RCOR1: variants seen among roughly 807,000 people sequenced by gnomAD.
RCOR1 encodes the protein REST corepressor.
A neutral mutation model predicts 64.0 loss-of-function variants in RCOR1; 12 were observed. The ratio of observed to expected loss-of-function variants is 0.19; its 90% CI spans 0.12 to 0.30. The LOEUF (loss-of-function observed/expected upper bound fraction) is 0.30. RCOR1 is among the 10% of genes least tolerant of loss of function. The pLI, the probability that RCOR1 is intolerant of heterozygous loss-of-function variation, is 1.00. For synonymous variants in RCOR1, 279 were observed against 227.2 expected (o/e 1.23, Z -2.05); for missense variants, 502 against 621.2 (o/e 0.81, Z 2.04).
chr14:102,682,123 CT>C, intron 3 of RCOR1, 145 bp downstream of exon 3: 1 of 528,110 alleles, frequency 1.9e-6, no homozygotes, highest in Non-Finnish European at 3.2e-6. Flanking sequence ...GTGTATATTT[CT>C]TTTTTTAAAA....
intron 2 of RCOR1, among the ~76,000 whole-genome samples, chr14:102,673,836 A>T (rs1237545231): frequency 6.7e-6 from 1 of 150,318 alleles, no homozygotes; most frequent in Non-Finnish European, 1.5e-5. Context: ...GCTGGTCTCG[A>T]ACTCCCGACT....
chr14:102,626,021 C>T (rs911937714), intron 2 of RCOR1, among the ~76,000 whole-genome samples: 1 of 152,196 alleles, frequency 6.6e-6, no homozygotes, highest in African/African-American at 2.4e-5. Context: ...GAAATTCATA[C>T]CCTTTTATCT....
At chr14:102,680,680 C>T (rs1440016953) in intron 2 of RCOR1, among the ~76,000 whole-genome samples, 1 of 152,076 alleles carries the variant, frequency 6.6e-6, no homozygotes, top group Non-Finnish European at 1.5e-5. Context: ...TGGTGCACAC[C>T]TGTAGTCCCA....
At chr14:102,692,011 T>A (rs558807489) in intron 3 of RCOR1, among the ~76,000 whole-genome samples, 5 of 152,214 alleles carry the variant, frequency 3.3e-5, no homozygotes, top group Non-Finnish European at 7.3e-5. Flanking sequence ...AATGCAGAAT[T>A]TATTTGCTCC....
intron 2 of RCOR1, among the ~76,000 whole-genome samples, chr14:102,602,791 A>G (rs1026180071): frequency 6.6e-6 from 1 of 151,206 alleles, no homozygotes; most frequent in Non-Finnish European, 1.5e-5. Flanking sequence ...CTACAGCCTC[A>G]GCCTCCAGGG....
At chr14:102,665,311 C>CTTT (rs35214723) in intron 2 of RCOR1, among the ~76,000 whole-genome samples, 105 of 131,996 alleles carry the variant, frequency 8.0e-4, no homozygotes, top group Middle Eastern at 4.0e-3. Context: ...GGCCTCAACA[C>CTTT]TTTTTTTTTT....
chr14:102,661,145 G>A (rs753909428), intron 2 of RCOR1, among the ~76,000 whole-genome samples: 21 of 152,110 alleles, frequency 1.4e-4, no homozygotes, highest in Non-Finnish European at 2.6e-4. Context: ...CCAGGAATTC[G>A]AGACCAGCCT....
intron 2 of RCOR1, among the ~76,000 whole-genome samples, chr14:102,631,291 C>T (rs1034842889): frequency 6.6e-5 from 10 of 151,854 alleles, no homozygotes; most frequent in African/African-American, 2.4e-4. Flanking sequence ...CAAGCCTCGC[C>T]TCCCAGGTTC....
intron 2 of RCOR1, among the ~76,000 whole-genome samples, chr14:102,624,773 GAAAAA>G (rs548109072): frequency 1.5e-5 from 2 of 136,054 alleles, no homozygotes; most frequent in African/African-American, 5.4e-5. Flanking sequence ...CTCCTCCTCA[GAAAAA>G]AAAAAAAAGC....
chr14:102,653,678 G>C (rs1291711915), intron 2 of RCOR1, among the ~76,000 whole-genome samples: 1 of 152,026 alleles, frequency 6.6e-6, no homozygotes, highest in Non-Finnish European at 1.5e-5. Context: ...TAGTGAGTGA[G>C]CTCTCGGGCG....
intron 3 of RCOR1, among the ~76,000 whole-genome samples, chr14:102,699,347 G>A (rs1895709653): frequency 6.6e-6 from 1 of 152,208 alleles, no homozygotes. Flanking sequence ...TAGTGGCTTA[G>A]TATTAGAATT....
intron 2 of RCOR1, among the ~76,000 whole-genome samples, chr14:102,604,151 C>T (rs1893457082): frequency 6.6e-6 from 1 of 152,052 alleles, no homozygotes; most frequent in African/African-American, 2.4e-5. Context: ...CTAAGTTATT[C>T]ATCTCATTTT....
chr14:102,707,598 C>A, intron 5 of RCOR1, 86 bp downstream of exon 5: 1 of 1,114,878 alleles, frequency 9.0e-7, no homozygotes, highest in Non-Finnish European at 1.3e-6. Flanking sequence ...ATATCATACT[C>A]AAACATAAAT....
intron 2 of RCOR1, among the ~76,000 whole-genome samples, chr14:102,623,802 A>T (rs1188875533): frequency 6.6e-6 from 1 of 151,472 alleles, no homozygotes; most frequent in Non-Finnish European, 1.5e-5. Context: ...CACGCCTGTA[A>T]TCCCAGCAGT....
intron 2 of RCOR1, chr14:102,655,254 T>G (rs1007798028): frequency 1.0e-6 from 1 of 985,066 alleles, no homozygotes; most frequent in Non-Finnish European, 1.2e-6. Flanking sequence ...GCCTTCCATT[T>G]TCCCTTCCTG....
rs1380339504 is a variant in RCOR1, at chr14:102,729,734, A to G, written c.*3228A>G. 2.3e-5 allele frequency: 9 copies of G among 398,016 alleles called. No homozygotes were observed. The highest frequency in any genetic ancestry group is 4.0e-5 in the Non-Finnish European group (9 of 225,920). 24.7% of individuals were successfully genotyped at this position (398,016 alleles called of 1,614,324 possible). On this transcript the variant is annotated 3_prime_UTR_variant, in exon 12 of 12. Transcript: ENST00000262241. ...AACGATACCCTATTTTTGTCATTCT[A>G]AATATCAGATGTACTATTGGTATAA...
rs201767582 is a variant in RCOR1, at chr14:102,667,202, T to TA, written c.362-14686dup. ...ACAAACAGGGCAAGACCTTGTTTCT[T>TA]AAAAAAATAAAGAATGGGCTGGGCG... On this transcript the variant is annotated intron_variant, in intron 2 of 11. Transcript: ENST00000262241. Among the ~76,000 whole-genome samples, 446 of 151,968 alleles carry TA rather than the reference T, an allele frequency of 2.9e-3. 2 individuals are homozygous for TA. The highest frequency in any genetic ancestry group is 0.01 in the African/African-American group (418 of 41,448).
chr14:102,655,558 A>C, intron 2 of RCOR1: 3 of 904,972 alleles, frequency 3.3e-6, no homozygotes, highest in Non-Finnish European at 4.0e-6. Context: ...TTACAAGCTC[A>C]TATTTGTGAA....
In RCOR1 at chr14:102,730,101, A is replaced by G; in HGVS notation, c.*3595A>G. On this transcript the variant is annotated 3_prime_UTR_variant, in exon 12 of 12. Coordinates refer to ENST00000262241, the MANE Select transcript of RCOR1 (RefSeq NM_015156.4). ...AAGGGAAGGTCAGCAGAGGCTATGCATGTTGTGTGATGATGAGTGTTTACA... is the reference window on the plus strand; with the variant it reads ...AAGGGAAGGTCAGCAGAGGCTATGCGTGTTGTGTGATGATGAGTGTTTACA... 1 of 398,690 alleles carries G rather than the reference A, an allele frequency of 2.5e-6. No homozygotes were observed. The highest frequency in any genetic ancestry group is 4.4e-6 in the Non-Finnish European group (1 of 226,046). 24.7% of individuals were successfully genotyped at this position (398,690 alleles called of 1,614,324 possible).
Sources: gnomAD v4.1 joint callset for allele counts (sites outside exome capture counted in the v4.1 genomes callset) on GRCh38, gnomAD v4.1.1 for gene constraint, MANE v1.5 for transcripts, NCBI Gene and HGNC (gene_info 2026-07-23, HGNC 2026-07-21) for gene names.